Variants in GRAMD1C observed in about 807,000 individuals in gnomAD.
GRAMD1C encodes GRAM domain containing 1C, also known as protein Aster-C.
In GRAMD1C, 89 loss-of-function variants were observed where a neutral mutation model predicts 97.8. The ratio of observed to expected loss-of-function variants is 0.91; its 90% CI spans 0.77 to 1.09. The LOEUF (loss-of-function observed/expected upper bound fraction) is 1.09. Ranked by LOEUF, GRAMD1C falls within the 50% of genes least tolerant of loss-of-function variation. The pLI is 0.00. For synonymous variants in GRAMD1C, 256 were observed against 267.0 expected (o/e 0.96, Z 0.40); for missense variants, 740 against 766.4 (o/e 0.97, Z 0.41).
chr3:113,834,255 C>T (rs181948434), upstream of GRAMD1C, among the ~76,000 whole-genome samples: 14 of 152,324 alleles, frequency 9.2e-5, no homozygotes, highest in Admixed American at 8.5e-4. Context: ...TCTTGGCTCA[C>T]TGCAACTTCC....
At chr3:113,917,190 GT>G (rs1936843795) in intron 10 of GRAMD1C, among the ~76,000 whole-genome samples, 2 of 147,948 alleles carry the variant, frequency 1.4e-5, no homozygotes, top group African/African-American at 5.0e-5. Context: ...TATCCTAAAT[GT>G]TTTTGATATT....
At chr3:113,881,922 G>A (rs1935278257) in intron 5 of GRAMD1C, among the ~76,000 whole-genome samples, 1 of 152,082 alleles carries the variant, frequency 6.6e-6, no homozygotes, top group South Asian at 2.1e-4. Context: ...GTCTTTCTGT[G>A]AAAATCATTA....
At chr3:113,928,713 A>G (rs1185290308) in intron 10 of GRAMD1C, among the ~76,000 whole-genome samples, 1 of 152,192 alleles carries the variant, frequency 6.6e-6, no homozygotes, top group African/African-American at 2.4e-5. Flanking sequence ...CATAAGTGGA[A>G]TAATACAATG....
At chr3:113,839,059 T>G in intron 1 of GRAMD1C, 123 bp downstream of exon 1, 1 of 610,082 alleles carries the variant, frequency 1.6e-6, no homozygotes, top group Non-Finnish European at 2.4e-6. Context: ...CTTCGTGCTC[T>G]TTGGAGTAAT....
At chr3:113,895,838 T>C (rs1403654805) in intron 6 of GRAMD1C, among the ~76,000 whole-genome samples, 1 of 152,186 alleles carries the variant, frequency 6.6e-6, no homozygotes, top group East Asian at 1.9e-4. Context: ...CCGTGTCTAG[T>C]TGGTCACCAA....
At chr3:113,849,698 A>T (rs575387305) in intron 2 of GRAMD1C, among the ~76,000 whole-genome samples, 13 of 152,324 alleles carry the variant, frequency 8.5e-5, no homozygotes, top group Admixed American at 8.5e-4. Flanking sequence ...ACTTCTTTCT[A>T]CACAGACAGG....
chr3:113,864,603 C>G (rs1014977525), intron 2 of GRAMD1C, among the ~76,000 whole-genome samples: 3 of 152,110 alleles, frequency 2.0e-5, no homozygotes, highest in African/African-American at 7.2e-5. Context: ...CCACCAAGTT[C>G]TTTGCTATTT....
chr3:113,876,550 G>A (rs1304050261), intron 5 of GRAMD1C, among the ~76,000 whole-genome samples: 2 of 152,122 alleles, frequency 1.3e-5, no homozygotes, highest in African/African-American at 2.4e-5. Context: ...AATCCCATGA[G>A]TATTTTTCAG....
At chr3:113,926,822 G>T (rs1937244128) in intron 10 of GRAMD1C, among the ~76,000 whole-genome samples, 1 of 152,152 alleles carries the variant, frequency 6.6e-6, no homozygotes, top group South Asian at 2.1e-4. Flanking sequence ...GGGGGCTAGA[G>T]TTAGAACACA....
intron 1 of GRAMD1C, among the ~76,000 whole-genome samples, chr3:113,832,275 G>C (rs894993845): frequency 6.6e-6 from 1 of 152,042 alleles, no homozygotes; most frequent in Non-Finnish European, 1.5e-5. Flanking sequence ...TGATCCACCT[G>C]CCTCAGCCTC....
intron 8 of GRAMD1C, among the ~76,000 whole-genome samples, chr3:113,907,843 GT>G (rs1333061263): frequency 2.0e-5 from 3 of 152,162 alleles, no homozygotes; most frequent in South Asian, 4.1e-4. Flanking sequence ...GAGGAGACGT[GT>G]AAGTGTGGAG....
intron 3 of GRAMD1C, among the ~76,000 whole-genome samples, chr3:113,873,528 T>TA (rs1934915707): frequency 6.6e-6 from 1 of 152,074 alleles, no homozygotes; most frequent in Non-Finnish European, 1.5e-5. Flanking sequence ...TATTTTATTT[T>TA]TTTTTTTGGA....
chr3:113,886,419 T>G (rs989597064), intron 6 of GRAMD1C, among the ~76,000 whole-genome samples: 10 of 152,130 alleles, frequency 6.6e-5, no homozygotes, highest in African/African-American at 2.4e-4. Context: ...TAAAAAACTC[T>G]TGTACAAAAC....
intron 7 of GRAMD1C, 67 bp from the exon 8 acceptor site, chr3:113,904,073 G>T: frequency 8.3e-7 from 1 of 1,210,662 alleles, no homozygotes; most frequent in South Asian, 1.3e-5. Context: ...TGACCTCAGT[G>T]AGGAGACCAA....
rs1448265525 is a variant in GRAMD1C, at chr3:113,930,701, T to C, written c.1091-13T>C. 1 of 1,328,900 alleles carries C rather than the reference T, an allele frequency of 7.5e-7. No homozygotes were observed. The highest frequency in any genetic ancestry group is 1.1e-6 in the Non-Finnish European group (1 of 921,108). The allele number at this position is 1,328,900 out of a possible 1,614,324, so 82.3% of individuals were successfully genotyped here. On this transcript the variant is annotated splice_polypyrimidine_tract_variant and intron_variant, in intron 10 of 17. Coordinates refer to ENST00000358160, the MANE Select transcript of GRAMD1C (RefSeq NM_017577.5). Reference sequence around the variant, plus strand: ...TTTCTAGAACTAACTCATTTTGTGTTTGTTGTTGTTAGATGTAGTATCTAC... The same window carrying C: ...TTTCTAGAACTAACTCATTTTGTGTCTGTTGTTGTTAGATGTAGTATCTAC...
At position 113,876,169 on chromosome 3, in the gene GRAMD1C, C is replaced by G. The variant is rs771244416; in HGVS notation, c.368C>G (p.Ser123Cys). ...AAAAATTTTTTGTGTGTTTAGATTT[C>G]TATTGCTTTAAAGAATATAACCTTC... is the stretch of plus-strand genomic sequence containing the variant. ...SNIFRWETTI[S>C]IALKNITFMT... The change falls in exon 5 of 18, where the codon TCT becomes TGT. Residue 123 changes from serine to cysteine, a missense_variant. Ser to Cys is a moderately radical substitution (Grantham distance 112). Coordinates refer to ENST00000358160, the MANE Select transcript of GRAMD1C (RefSeq NM_017577.5). 3.3e-6 allele frequency: 5 copies of G among 1,529,396 alleles called. No individual in the cohort carries two copies. In the East Asian group the frequency reaches 6.8e-5, roughly 21 times the overall value. 94.7% of individuals were successfully genotyped at this position (1,529,396 alleles called of 1,614,324 possible). A position where few individuals can be genotyped will look rare whatever the true frequency, so the allele number is the denominator to read the frequency against.
chr3:113,858,394 A>ATGTT (rs1934235134), intron 2 of GRAMD1C, among the ~76,000 whole-genome samples: 2 of 109,358 alleles, frequency 1.8e-5, no homozygotes, highest in Non-Finnish European at 3.4e-5. Context: ...TCCCAGCTAC[A>ATGTT]TTTTTTTTTT....
At chr3:113,834,779 A>T (rs1274125265), upstream of GRAMD1C, among the ~76,000 whole-genome samples, 1 of 151,544 alleles carries the variant, frequency 6.6e-6, no homozygotes, top group Non-Finnish European at 1.5e-5. Flanking sequence ...ACTAAAAAAA[A>T]AAAAAAAAAA....
intron 6 of GRAMD1C, among the ~76,000 whole-genome samples, chr3:113,899,787 G>A (rs1423566943): frequency 6.6e-6 from 1 of 152,112 alleles, no homozygotes. Context: ...TAATGTGTGA[G>A]TTTGTTGTAT....
Sources: allele counts gnomAD v4.1 joint callset (sites outside exome capture counted in the v4.1 genomes callset), GRCh38; gene constraint gnomAD v4.1.1; transcripts MANE v1.5; gene names NCBI Gene and HGNC (gene_info 2026-07-23, HGNC 2026-07-21).